Variants in SULF1 observed in about 807,000 individuals in gnomAD.
SULF1 encodes the protein sulfatase 1.
In SULF1, 46 loss-of-function variants were observed where a neutral mutation model predicts 110.5. That is an observed-to-expected ratio of 0.42 (90% CI 0.33 to 0.53). SULF1 has a LOEUF of 0.53. Ranked by LOEUF, SULF1 falls within the 20% of genes least tolerant of loss-of-function variation. The probability of loss-of-function intolerance (pLI) is 0.12; values close to 1 mark genes in which losing one functional copy is unlikely to be tolerated. For synonymous variants in SULF1, 371 were observed against 387.1 expected, an observed-to-expected ratio of 0.96 and a Z score of 0.49; for missense variants, 941 against 1,094.2, an observed-to-expected ratio of 0.86 and a Z score of 1.98.
At chr8:69,603,747 C>A in intron 12 of SULF1, 91 bp downstream of exon 12, 1 of 890,800 alleles carries the variant, frequency 1.1e-6, no homozygotes, top group Non-Finnish European at 1.9e-6. Flanking sequence ...TTTTTGTTTA[C>A]TAAGCATGCA....
chr8:69,651,830 C>G (rs1812365317), intron 22 of SULF1, among the ~76,000 whole-genome samples: 1 of 151,964 alleles, frequency 6.6e-6, no homozygotes, highest in African/African-American at 2.4e-5. Flanking sequence ...TTTGTTTTTA[C>G]CAGCATTATC....
chr8:69,488,830 C>T (rs1162551972), upstream of SULF1, among the ~76,000 whole-genome samples: 5 of 151,766 alleles, frequency 3.3e-5, no homozygotes, highest in Non-Finnish European at 5.9e-5. Context: ...GGGGTTGCAC[C>T]GGGAACAGAG....
chr8:69,486,204 G>A (rs1809699515), intron 1 of SULF1, among the ~76,000 whole-genome samples: 1 of 152,122 alleles, frequency 6.6e-6, no homozygotes, highest in Admixed American at 6.5e-5. Context: ...CTCAGAAAAG[G>A]AAGGAGAAAC....
chr8:69,477,770 C>T (rs1329840305), intron 1 of SULF1, among the ~76,000 whole-genome samples: 1 of 152,148 alleles, frequency 6.6e-6, no homozygotes, highest in Non-Finnish European at 1.5e-5. Context: ...CTGCATTCTG[C>T]CATTCCCTTC....
At chr8:69,633,486 G>A (rs1810744893) in intron 19 of SULF1, among the ~76,000 whole-genome samples, 2 of 151,250 alleles carry the variant, frequency 1.3e-5, no homozygotes, top group South Asian at 2.1e-4. Context: ...CCACCACCAC[G>A]CCTAGCTAAT....
At chr8:69,516,621 A>C (rs1305504033) in intron 3 of SULF1, among the ~76,000 whole-genome samples, 1 of 152,228 alleles carries the variant, frequency 6.6e-6, no homozygotes, top group Non-Finnish European at 1.5e-5. Context: ...AGAATAAAAA[A>C]TGAAACCATA....
At chr8:69,638,443 G>A (rs149790744) in intron 19 of SULF1, 59 bp from the exon 20 acceptor site, 36,848 of 1,572,204 alleles carry the variant, frequency 0.023, 513 homozygotes, top group Non-Finnish European at 0.028. Context: ...GGAATGGCAA[G>A]CCTGCCTAAG....
intron 3 of SULF1, among the ~76,000 whole-genome samples, chr8:69,511,813 A>AT (rs1374588280): frequency 6.6e-6 from 1 of 152,144 alleles, no homozygotes; most frequent in African/African-American, 2.4e-5. Context: ...TTATCAGAAC[A>AT]TTTTTTACTG....
rs536073966 is a variant in SULF1 at position 69,649,972 on chromosome 8, C to CTTTT, written c.2586-8499_2586-8496dup. Among the ~76,000 whole-genome samples, 3 of 30,588 alleles carry CTTTT rather than the reference C, an allele frequency of 9.8e-5. 1 individual carries two copies. The highest frequency in any genetic ancestry group is 2.1e-3 in the East Asian group (2 of 970). The allele number at this position is 30,588 out of a possible 152,430, so 20.1% of individuals were successfully genotyped here. Reference sequence around the variant, plus strand: ...CCCACTCTGTAATTCCTCCTGCTTGCTTTTTTTTTTTTTTTTTTTTTTTTT... The same window carrying CTTTT: ...CCCACTCTGTAATTCCTCCTGCTTGCTTTTTTTTTTTTTTTTTTTTTTTTTTTTT... On this transcript the variant is annotated intron_variant, in intron 22 of 22. Coordinates refer to ENST00000402687, the MANE Select transcript of SULF1 (RefSeq NM_001128205.2).
rs755593279 is a variant in SULF1, at chr8:69,603,156, A to G, written c.1062-36A>G. The G allele has an allele frequency of 1.9e-6, 3 of 1,611,150 alleles. No homozygotes were observed. The African/African-American group carries it at 4.0e-5, about 22-fold the overall frequency. On this transcript the variant is annotated intron_variant, in intron 10 of 22. Transcript: ENST00000402687. Reference sequence around the variant, plus strand: ...GCCCTAAGTGCCACCTTCCCCTGGCATTGGATCTCAGCCATCACCGTGTGC... The same window carrying G: ...GCCCTAAGTGCCACCTTCCCCTGGCGTTGGATCTCAGCCATCACCGTGTGC...
intron 22 of SULF1, among the ~76,000 whole-genome samples, chr8:69,657,918 C>T (rs2130758946): frequency 6.6e-6 from 1 of 152,300 alleles, no homozygotes; most frequent in South Asian, 2.1e-4. Context: ...TTATCTAGGA[C>T]ATAGAACTTT....
At chr8:69,546,997 G>A (rs1814307519) in intron 3 of SULF1, among the ~76,000 whole-genome samples, 1 of 152,152 alleles carries the variant, frequency 6.6e-6, no homozygotes, top group South Asian at 2.1e-4. Flanking sequence ...TTGCTTGTCT[G>A]TACATTATAT....
chr8:69,626,741 G>T (rs148441867), intron 15 of SULF1, among the ~76,000 whole-genome samples: 1 of 152,372 alleles, frequency 6.6e-6, no homozygotes, highest in African/African-American at 2.4e-5. Flanking sequence ...GCCCGGGGCC[G>T]CAAGGGCCGG....
At chr8:69,507,601 G>A (rs950717646) in intron 3 of SULF1, among the ~76,000 whole-genome samples, 2 of 152,086 alleles carry the variant, frequency 1.3e-5, no homozygotes, top group Admixed American at 6.6e-5. Context: ...CATTAAATAG[G>A]GCTTAAAACA....
rs1380826254 is a variant in SULF1, at chr8:69,472,939, TG to T, written c.-391+5990del. Among the ~76,000 whole-genome samples, 3 of 152,158 alleles carry T rather than the reference TG, an allele frequency of 2.0e-5. No individual in the cohort carries two copies. In the East Asian group the frequency reaches 5.8e-4, roughly 29 times the overall value. ...GCAGCCTCCGTCTTCTGGGCTCAAG[TG>T]ATCCTCCTGCCTCAGTCTCATGAGT... is the stretch of plus-strand genomic sequence containing the variant. On this transcript the variant is annotated intron_variant, in intron 1 of 22. Transcript: ENST00000260128.
chr8:69,592,788 G>A, intron 8 of SULF1: 1 of 313,378 alleles, frequency 3.2e-6, no homozygotes, highest in South Asian at 1.2e-4. Context: ...ATTTCATGTG[G>A]CTCAACTTAA....
At chr8:69,595,709 T>C (rs1807256040) in intron 8 of SULF1, among the ~76,000 whole-genome samples, 1 of 152,192 alleles carries the variant, frequency 6.6e-6, no homozygotes, top group Admixed American at 6.5e-5. Flanking sequence ...ATCATTCGGG[T>C]TTTTTGTTTG....
At chr8:69,556,144 C>T (rs997504053) in intron 3 of SULF1, among the ~76,000 whole-genome samples, 4 of 151,978 alleles carry the variant, frequency 2.6e-5, no homozygotes, top group East Asian at 1.9e-4. Flanking sequence ...GGCATATGCA[C>T]GTGTATGTGT....
chr8:69,641,994 G>A lies in SULF1; in HGVS notation c.2585+1153G>A, dbSNP rs200357718. On this transcript the variant is annotated intron_variant, in intron 22 of 22. Coordinates refer to ENST00000402687, the MANE Select transcript of SULF1 (RefSeq NM_001128205.2). ...CAGACCTCAGGCAGGTCTGCCACCC[G>A]AAGCAGCTGGGCACTGTCCTTACCG... Among the ~76,000 whole-genome samples the A allele has an allele frequency of 2.0e-4, 30 of 152,104 alleles. No individual in the cohort carries two copies. The East Asian group carries it at 5.4e-3, about 28-fold the overall frequency.
Sources: allele counts gnomAD v4.1 joint callset (sites outside exome capture counted in the v4.1 genomes callset), GRCh38; gene constraint gnomAD v4.1.1; transcripts MANE v1.5; gene names NCBI Gene and HGNC (gene_info 2026-07-23, HGNC 2026-07-21).